SNX29: variants seen among roughly 807,000 people sequenced by gnomAD.
SNX29 encodes sorting nexin 29.
SNX29 carries 78 observed loss-of-function variants against 102.1 expected under a neutral mutation model. That is an observed-to-expected ratio of 0.76 (90% confidence interval 0.64 to 0.92). The LOEUF (loss-of-function observed/expected upper bound fraction) is 0.92, where lower values mean the gene tolerates loss of function less well. Among genes scored for constraint, SNX29 ranks in the 40% least tolerant of loss-of-function variants. SNX29 has a pLI of 0.00. For missense variants in SNX29, 1,280 were observed against 1,061.7 expected (o/e 1.21, Z -2.86); for synonymous variants, 580 against 414.5 (o/e 1.40, Z -4.85).
intron 18 of SNX29, among the ~76,000 whole-genome samples, chr16:12,462,647 A>G (rs1446383797): frequency 2.6e-5 from 4 of 152,152 alleles, no homozygotes; most frequent in Non-Finnish European, 4.4e-5. Flanking sequence ...TATCATAAGC[A>G]GTGTCTTAAT....
chr16:12,164,603 G>C (rs948403470), intron 13 of SNX29, among the ~76,000 whole-genome samples: 2 of 151,552 alleles, frequency 1.3e-5, no homozygotes, highest in Non-Finnish European at 2.9e-5. Context: ...TGGGCAGCCT[G>C]AGCATTTGGC....
rs555696013 is a variant in SNX29 at position 12,535,874 on chromosome 16, A to G, written c.2318+11033A>G. Among the ~76,000 whole-genome samples, 9 of 152,302 alleles carry G rather than the reference A, an allele frequency of 5.9e-5. No individual in the cohort carries two copies. The South Asian group carries it at 1.9e-3, about 32-fold the overall frequency. ...ATGGGAGCCCTATTGGTGCTGTCCAAGGTCCTACCCATCTCCCCTTCTTTG... is the reference window on the plus strand; with the variant it reads ...ATGGGAGCCCTATTGGTGCTGTCCAGGGTCCTACCCATCTCCCCTTCTTTG... On this transcript the variant is annotated intron_variant, in intron 20 of 20. Transcript: ENST00000566228.
chr16:12,210,076 T>C (rs970060884), intron 14 of SNX29, among the ~76,000 whole-genome samples: 4 of 152,206 alleles, frequency 2.6e-5, no homozygotes, highest in African/African-American at 4.8e-5. Context: ...TGTTTTTTCT[T>C]TGGGGAACCC....
chr16:12,073,580 A>T (rs534312306), intron 10 of SNX29, among the ~76,000 whole-genome samples: 32 of 152,262 alleles, frequency 2.1e-4, no homozygotes, highest in African/African-American at 7.7e-4. Context: ...GGAGAGCTTT[A>T]CTTCCAACTA....
chr16:12,155,301 T>C (rs2055494911), intron 13 of SNX29, among the ~76,000 whole-genome samples: 1 of 152,190 alleles, frequency 6.6e-6, no homozygotes, highest in Middle Eastern at 3.2e-3. Context: ...ATTAAGCTGA[T>C]AGAAAAATCC....
At chr16:12,154,980 A>G (rs752510155) in intron 13 of SNX29, among the ~76,000 whole-genome samples, 7 of 152,224 alleles carry the variant, frequency 4.6e-5, no homozygotes, top group Non-Finnish European at 1.0e-4. Context: ...GGACACAAAC[A>G]TTGAGACCAC....
chr16:12,566,559 G>A lies in SNX29; in HGVS notation c.2319-1947G>A, dbSNP rs865950621. 3.9e-5 allele frequency among the ~76,000 whole-genome samples: 6 copies of A among 152,300 alleles called. 1 individual carries two copies. The East Asian group carries it at 5.8e-4, about 15-fold the overall frequency. On this transcript the variant is annotated intron_variant, in intron 20 of 20. Transcript: ENST00000566228. ...TGACAGGAGGGGGTTGTGAGGGCAT[G>A]GCTTTAAACTGACTTTTACATCCAA...
rs2079205642 is a variant in SNX29 at position 12,572,386 on chromosome 16, C to G, written c.*3757C>G. On this transcript the variant is annotated 3_prime_UTR_variant, in exon 21 of 21. Transcript: ENST00000566228. ...TCTGCCTTCTGGAGGCGGCTTATATCCCAACAGCCTGAGGCAGGGCTCTGT... is the reference window on the plus strand; with the variant it reads ...TCTGCCTTCTGGAGGCGGCTTATATGCCAACAGCCTGAGGCAGGGCTCTGT... 5.6e-6 allele frequency: 6 copies of G among 1,062,968 alleles called. No individual in the cohort carries two copies. Among genetic ancestry groups the G allele is most frequent in the African/African-American group, 1.6e-5 (1 of 60,946 alleles). 65.8% of individuals were successfully genotyped at this position (1,062,968 alleles called of 1,614,324 possible).
intron 13 of SNX29, among the ~76,000 whole-genome samples, chr16:12,174,940 A>C (rs74646967): frequency 1.8e-4 from 27 of 152,050 alleles, no homozygotes; most frequent in East Asian, 9.7e-4. Flanking sequence ...TAAAAAAAAA[A>C]CAACCAATTA....
chr16:12,117,866 C>T (rs537679778), intron 11 of SNX29, among the ~76,000 whole-genome samples: 5 of 152,064 alleles, frequency 3.3e-5, no homozygotes, highest in Admixed American at 6.6e-5. Flanking sequence ...GAGGCTGAGG[C>T]GGGCGGATCA....
rs933682179 is a variant in SNX29, at chr16:12,571,201, AAAC to A, written c.*2576_*2578del. ...TGTGGTGGGATGAACTTCAGGCAAC[AAAC>A]AACTGGCAGGGTTCCCAGTTCCTGG... On this transcript the variant is annotated 3_prime_UTR_variant, in exon 21 of 21. Transcript: ENST00000566228. 6 of 232,228 alleles carry A rather than the reference AAAC, an allele frequency of 2.6e-5. No homozygotes were observed. Among genetic ancestry groups the A allele is most frequent in the East Asian group, 1.2e-4 (2 of 16,486 alleles). The allele number at this position is 232,228 out of a possible 1,614,324, so 14.4% of individuals were successfully genotyped here.
chr16:12,248,581 A>C (rs986378361), intron 14 of SNX29, among the ~76,000 whole-genome samples: 1 of 151,606 alleles, frequency 6.6e-6, no homozygotes, highest in Non-Finnish European at 1.5e-5. Context: ...GTAGAGTAGT[A>C]GTTTTTGTAT....
At chr16:12,019,572 A>G (rs1346096674) in intron 3 of SNX29, among the ~76,000 whole-genome samples, 3 of 145,456 alleles carry the variant, frequency 2.1e-5, no homozygotes, top group Non-Finnish European at 4.5e-5. Context: ...TGGAATTGTT[A>G]TATATGTAAA....
chr16:12,466,063 C>T (rs1010229291), intron 18 of SNX29, among the ~76,000 whole-genome samples: 7 of 152,104 alleles, frequency 4.6e-5, no homozygotes, highest in South Asian at 2.1e-4. Flanking sequence ...AAGCTGAAAG[C>T]GTTTGCTCTA....
At chr16:12,240,328 T>A (rs766806919) in intron 14 of SNX29, among the ~76,000 whole-genome samples, 2 of 152,244 alleles carry the variant, frequency 1.3e-5, no homozygotes, top group Non-Finnish European at 2.9e-5. Context: ...TGTATGAGTA[T>A]GCCTGTCAGG....
chr16:12,512,371 TA>T (rs1303757347), intron 19 of SNX29, among the ~76,000 whole-genome samples: 1 of 7,794 alleles, frequency 1.3e-4, no homozygotes, highest in Non-Finnish European at 2.2e-4. Flanking sequence ...CCAGGGAAAA[TA>T]TATATATATA....
intron 16 of SNX29, among the ~76,000 whole-genome samples, chr16:12,382,819 T>C (rs577580456): frequency 2.6e-5 from 4 of 152,146 alleles, no homozygotes; most frequent in African/African-American, 9.6e-5. Flanking sequence ...ATCTCTGCCT[T>C]TGTCTTTACT....
intron 15 of SNX29, among the ~76,000 whole-genome samples, chr16:12,311,291 AG>A (rs1399345337): frequency 2.0e-5 from 3 of 152,112 alleles, no homozygotes; most frequent in African/African-American, 7.2e-5. Flanking sequence ...CTTTCCTACC[AG>A]GTTCCATTAC....
intron 20 of SNX29, among the ~76,000 whole-genome samples, chr16:12,565,433 G>GCC (rs34392084): frequency 0.26 from 39,488 of 151,738 alleles, 5,685 homozygotes; most frequent in East Asian, 0.43. Context: ...TCCTCCCGTG[G>GCC]CCTCACCTGC....
Sources: allele counts gnomAD v4.1 joint callset (sites outside exome capture counted in the v4.1 genomes callset), GRCh38; gene constraint gnomAD v4.1.1; transcripts MANE v1.5; gene names NCBI Gene and HGNC (gene_info 2026-07-23, HGNC 2026-07-21).